RAE1: variants seen among roughly 807,000 people sequenced by gnomAD.
RAE1 encodes the protein ribonucleic acid export 1.
A neutral mutation model predicts 52.7 loss-of-function variants in RAE1; 13 were observed. The observed-to-expected ratio is 0.25, with a 90% confidence interval of 0.16 to 0.39. RAE1 has a LOEUF of 0.39. Ranked by LOEUF, RAE1 falls within the 10% of genes least tolerant of loss-of-function variation. The pLI is 1.00. For synonymous variants in RAE1, 164 were observed against 153.1 expected, an observed-to-expected ratio of 1.07 and a Z score of -0.52; for missense variants, 262 against 459.8, an observed-to-expected ratio of 0.57 and a Z score of 3.93.
rs73914830 is a variant in RAE1 at position 57,351,275 on chromosome 20, A to C, written c.-155A>C. On this transcript the variant is annotated 5_prime_UTR_variant, in exon 1 of 12. Transcript: ENST00000395841. ...GCGTTGTTTCCGCGGTAGTCAGGGC[A>C]GTTTCTACCGCAGGCTTAAGGAGGC... The C allele has an allele frequency of 8.0e-3, 7,868 of 985,386 alleles. 462 individuals are homozygous for C. The African/African-American group carries it at 0.13, about 16-fold the overall frequency. 61.0% of individuals were successfully genotyped at this position (985,386 alleles called of 1,614,324 possible).
chr20:57,377,329 C>T (rs2067130628), intron 11 of RAE1, among the ~76,000 whole-genome samples: 1 of 152,146 alleles, frequency 6.6e-6, no homozygotes, highest in Non-Finnish European at 1.5e-5. Flanking sequence ...CCACCCCACT[C>T]ACCTCTCTTC....
At chr20:57,373,443 G>C (rs777075106) in intron 8 of RAE1, 32 bp from the exon 9 acceptor site, 12 of 1,584,336 alleles carry the variant, frequency 7.6e-6, no homozygotes, top group Non-Finnish European at 7.8e-6. Context: ...ATATTATGCT[G>C]TGATTATGTC....
Position 57,373,666 on chromosome 20 carries a change from C to T in RAE1, c.753C>T (p.Ala251=), listed in dbSNP as rs2146176317. Reference sequence around the variant, plus strand: ...TACATGAACCTTTGTCTTTCAGCGCCAAAGATAACTTCACCTTTAAATGTC... The same window carrying T: ...TACATGAACCTTTGTCTTTCAGCGCTAAAGATAACTTCACCTTTAAATGTC... ...AIHYINPPNP[A]KDNFTFKCHR... Residue 251 remains alanine (A), a synonymous_variant, in exon 10 of 12, where the codon GCC becomes GCT. Coordinates refer to ENST00000395841, the MANE Select transcript of RAE1 (RefSeq NM_003610.4). The T allele has an allele frequency of 1.9e-6, 3 of 1,614,134 alleles. No individual in the cohort carries two copies. Among genetic ancestry groups the T allele is most frequent in the Non-Finnish European group, 2.5e-6 (3 of 1,179,986 alleles).
intron 5 of RAE1, 138 bp from the exon 6 acceptor site, chr20:57,366,669 T>TC: frequency 3.8e-6 from 3 of 779,954 alleles, no homozygotes; most frequent in Non-Finnish European, 6.6e-6. Flanking sequence ...ATTGGTAAAA[T>TC]GCTAAGTATG....
In RAE1 at chr20:57,378,341, T is replaced by C. The variant is rs2067145651; in HGVS notation, c.*242T>C. 2.2e-6 allele frequency: 1 copy of C among 448,674 alleles called. No homozygotes were observed. Among genetic ancestry groups the C allele is most frequent in the African/African-American group, 2.0e-5 (1 of 51,260 alleles). The allele number at this position is 448,674 out of a possible 1,614,324, so 27.8% of individuals were successfully genotyped here. On this transcript the variant is annotated 3_prime_UTR_variant, in exon 12 of 12. Transcript: ENST00000395841. The stretch of plus-strand genomic sequence containing the variant: ...AGGGGGTTGAGGTTATTGTAGACGT[T>C]AGATTGCGGGCACCGCCAGGGATTT...
chr20:57,362,334 C>A (rs2066902057), intron 4 of RAE1, among the ~76,000 whole-genome samples: 1 of 152,166 alleles, frequency 6.6e-6, no homozygotes, highest in African/African-American at 2.4e-5. Flanking sequence ...TCCTGACATA[C>A]CTGATTAAGT....
intron 4 of RAE1, among the ~76,000 whole-genome samples, chr20:57,363,067 C>A (rs1023258480): frequency 1.8e-4 from 28 of 152,320 alleles, no homozygotes; most frequent in Middle Eastern, 3.4e-3. Context: ...TAGGCATGAG[C>A]CACCACGCCT....
intron 8 of RAE1, chr20:57,371,265 A>G (rs1422603854): frequency 2.6e-5 from 4 of 152,248 alleles, no homozygotes; most frequent in Non-Finnish European, 5.9e-5. Context: ...AACCATGGAA[A>G]AGAGTGAAAA....
chr20:57,373,740 T>TA lies in RAE1; in HGVS notation c.825+3dup. 6.2e-7 allele frequency: 1 copy of TA among 1,612,476 alleles called. No individual in the cohort carries two copies. Among genetic ancestry groups the TA allele is most frequent in the Non-Finnish European group, 8.5e-7 (1 of 1,178,452 alleles). On this transcript the variant is annotated splice_region_variant and intron_variant, in intron 10 of 11. Coordinates refer to ENST00000395841, the MANE Select transcript of RAE1 (RefSeq NM_003610.4). The stretch of plus-strand genomic sequence containing the variant: ...TCAGCTCCTCAGGACATTTATGCGG[T>TA]ACGTTTTTAGACACTTTAACCGTGG...
intron 2 of RAE1, 71 bp downstream of exon 2, chr20:57,354,199 C>T (rs530566922): frequency 4.4e-6 from 6 of 1,368,466 alleles, no homozygotes; most frequent in Admixed American, 1.9e-5. Context: ...GGACAGAACC[C>T]GAGATGACTT....
At chr20:57,370,387 G>A (rs1282809309) in intron 8 of RAE1, among the ~76,000 whole-genome samples, 2 of 152,152 alleles carry the variant, frequency 1.3e-5, no homozygotes, top group Non-Finnish European at 2.9e-5. Context: ...CTACCTCTGT[G>A]GCTCTTCTAT....
chr20:57,370,378 T>C (rs1729262180), intron 8 of RAE1, among the ~76,000 whole-genome samples: 1 of 152,202 alleles, frequency 6.6e-6, no homozygotes, highest in Non-Finnish European at 1.5e-5. Context: ...TCTTACCCGC[T>C]ACCTCTGTGG....
At chr20:57,372,586 A>T (rs1326678514) in intron 8 of RAE1, 1 of 152,242 alleles carries the variant, frequency 6.6e-6, no homozygotes, top group Admixed American at 6.5e-5. Flanking sequence ...GTACTCACAA[A>T]AGTAATGGTC....
chr20:57,362,535 G>A (rs959932841), intron 4 of RAE1, among the ~76,000 whole-genome samples: 35 of 152,156 alleles, frequency 2.3e-4, no homozygotes, highest in African/African-American at 8.2e-4. Flanking sequence ...ATAAAGTACG[G>A]CAAGAAATAG....
chr20:57,376,877 G>A (rs928540611), intron 11 of RAE1, among the ~76,000 whole-genome samples: 1 of 152,242 alleles, frequency 6.6e-6, no homozygotes, highest in Non-Finnish European at 1.5e-5. Context: ...AGTGAGAAAG[G>A]TAATTGCTTT....
chr20:57,351,910 A>G (rs1001156426), intron 1 of RAE1: 3 of 985,370 alleles, frequency 3.0e-6, no homozygotes, highest in African/African-American at 1.7e-5. Context: ...TACAGGCAGT[A>G]CTTCTCCAGG....
chr20:57,351,279 T>C lies in RAE1; in HGVS notation c.-151T>C. The stretch of plus-strand genomic sequence containing the variant: ...TGTTTCCGCGGTAGTCAGGGCAGTT[T>C]CTACCGCAGGCTTAAGGAGGCTTCG... On this transcript the variant is annotated 5_prime_UTR_variant, in exon 1 of 12. Coordinates refer to ENST00000395841, the MANE Select transcript of RAE1 (RefSeq NM_003610.4). 1.0e-6 allele frequency: 1 copy of C among 985,446 alleles called. No individual in the cohort carries two copies. Among genetic ancestry groups the C allele is most frequent in the East Asian group, 1.1e-4 (1 of 8,808 alleles). 61.0% of individuals were successfully genotyped at this position (985,446 alleles called of 1,614,324 possible).
chr20:57,353,437 G>A (rs1223329016), intron 1 of RAE1, among the ~76,000 whole-genome samples: 1 of 152,246 alleles, frequency 6.6e-6, no homozygotes. Flanking sequence ...AACCCAGGGT[G>A]GGAGAGGTTC....
chr20:57,351,352 A>G lies in RAE1; in HGVS notation c.-78A>G. 1.0e-6 allele frequency: 1 copy of G among 985,402 alleles called. No individual in the cohort carries two copies. Among genetic ancestry groups the G allele is most frequent in the South Asian group, 4.7e-5 (1 of 21,286 alleles). The allele number at this position is 985,402 out of a possible 1,614,324, so 61.0% of individuals were successfully genotyped here. A position where few individuals can be genotyped will look rare whatever the true frequency, so the allele number is the denominator to read the frequency against. On this transcript the variant is annotated 5_prime_UTR_variant, in exon 1 of 12. Coordinates refer to ENST00000395841, the MANE Select transcript of RAE1 (RefSeq NM_003610.4). The stretch of plus-strand genomic sequence containing the variant: ...GCTCCTGGCCCTCGTCCTTCGCGCC[A>G]GAGCAGGTTCGCAAACTCCTCAGAC...
Sources: allele counts gnomAD v4.1 joint callset (sites outside exome capture counted in the v4.1 genomes callset), GRCh38; gene constraint gnomAD v4.1.1; transcripts MANE v1.5; gene names NCBI Gene and HGNC (gene_info 2026-07-23, HGNC 2026-07-21).